GSTT4: variants seen among roughly 807,000 people sequenced by gnomAD.
GSTT4 encodes the protein glutathione S-transferase theta-4.
intron 2 of GSTT4, among the ~76,000 whole-genome samples, chr22:24,002,101 G>A (rs1450025693): frequency 1.3e-5 from 2 of 152,298 alleles, no homozygotes; most frequent in Non-Finnish European, 2.9e-5. Flanking sequence ...GGGGGTGATT[G>A]GGGAGTGATG....
chr22:24,002,877 C>T (rs2034264771), intron 2 of GSTT4, among the ~76,000 whole-genome samples: 1 of 149,540 alleles, frequency 6.7e-6, no homozygotes, highest in Non-Finnish European at 1.5e-5. Flanking sequence ...TCCAAACAAA[C>T]TGCCAAGAAA....
At chr22:24,003,372 G>A (rs1272069188) in intron 2 of GSTT4, among the ~76,000 whole-genome samples, 3 of 152,204 alleles carry the variant, frequency 2.0e-5, no homozygotes, top group African/African-American at 7.2e-5. Flanking sequence ...CACCATGCTG[G>A]CTAATTTTTG....
At chr22:23,995,349 AT>A (rs1488271616), downstream of GSTT4, among the ~76,000 whole-genome samples, 1 of 152,212 alleles carries the variant, frequency 6.6e-6, no homozygotes, top group Non-Finnish European at 1.5e-5. Context: ...TCCATGAACA[AT>A]TCAACAGAAA....
At chr22:23,996,323 CTTCT>C (rs1255810210), downstream of GSTT4, among the ~76,000 whole-genome samples, 2 of 152,068 alleles carry the variant, frequency 1.3e-5, no homozygotes, top group Non-Finnish European at 2.9e-5. Context: ...GATGGTTTTA[CTTCT>C]TTCTTTCTGA....
downstream of GSTT4, among the ~76,000 whole-genome samples, chr22:23,997,842 C>T (rs1170871661): frequency 2.0e-5 from 3 of 152,116 alleles, no homozygotes; most frequent in Admixed American, 6.6e-5. Flanking sequence ...CTGCTGCATC[C>T]TATAAATCTG....
downstream of GSTT4, among the ~76,000 whole-genome samples, chr22:23,995,002 G>T (rs1213185586): frequency 6.6e-6 from 1 of 152,186 alleles, no homozygotes; most frequent in Non-Finnish European, 1.5e-5. Context: ...TTCCCATCTA[G>T]CTCCAATGAG....
the GSTT4 span, among the ~76,000 whole-genome samples, chr22:23,990,493 G>A: frequency 1.2e-5 from 1 of 85,122 alleles, no homozygotes; most frequent in African/African-American, 3.7e-5. Flanking sequence ...ACGGGGACGT[G>A]CCTGTAGTCC....
the GSTT4 span, among the ~76,000 whole-genome samples, chr22:23,990,892 G>A: frequency 1.0e-3 from 71 of 69,674 alleles, no homozygotes; most frequent in Admixed American, 2.0e-3. Context: ...GACAACCAGT[G>A]GGGCATGGCG....
chr22:23,996,172 G>A (rs1457183951), downstream of GSTT4, among the ~76,000 whole-genome samples: 5 of 152,112 alleles, frequency 3.3e-5, no homozygotes, highest in African/African-American at 7.3e-5. Flanking sequence ...TCAAACTTCT[G>A]ACCTCATGAT....
At chr22:23,994,581 T>C (rs1482436257), downstream of GSTT4, among the ~76,000 whole-genome samples, 3 of 150,220 alleles carry the variant, frequency 2.0e-5, no homozygotes. Context: ...TCATCCATGT[T>C]GTAGCATATA....
intron 2 of GSTT4, 136 bp downstream of exon 2, chr22:24,003,624 G>A (rs977835282): frequency 1.5e-3 from 234 of 154,134 alleles, no homozygotes; most frequent in African/African-American, 5.2e-3. Flanking sequence ...GGGGTTCCTC[G>A]TGTCCCTCAT....
chr22:24,001,431 G>A (rs2034228503), intron 2 of GSTT4, 106 bp from the exon 3 acceptor site: 1 of 153,732 alleles, frequency 6.5e-6, no homozygotes, highest in African/African-American at 2.4e-5. Flanking sequence ...CCAGAGCAAA[G>A]AGGAGCCCAA....
At chr22:23,990,453 CAAA>C in the GSTT4 span, among the ~76,000 whole-genome samples, 7 of 29,972 alleles carry the variant, frequency 2.3e-4, 1 homozygote, top group South Asian at 3.3e-3. Context: ...CTACACACAC[CAAA>C]AAAAAAAAAA....
the GSTT4 span, among the ~76,000 whole-genome samples, chr22:23,992,615 G>A: frequency 6.6e-6 from 1 of 150,980 alleles, no homozygotes. Flanking sequence ...TTAAAAATAA[G>A]GGTCCCCACA....
At chr22:23,992,169 C>T in the GSTT4 span, among the ~76,000 whole-genome samples, 5 of 140,882 alleles carry the variant, frequency 3.5e-5, no homozygotes, top group African/African-American at 7.8e-5. Context: ...TGACTGCCTG[C>T]GGGGCTGCCA....
the GSTT4 span, among the ~76,000 whole-genome samples, chr22:23,989,598 C>T: frequency 1.3e-5 from 2 of 148,844 alleles, no homozygotes; most frequent in African/African-American, 4.9e-5. Context: ...CCTGTCAATA[C>T]CCCAGAGTCC....
intron 2 of GSTT4, among the ~76,000 whole-genome samples, chr22:24,002,341 G>A (rs1348405420): frequency 4.6e-5 from 7 of 152,272 alleles, no homozygotes; most frequent in Non-Finnish European, 8.8e-5. Context: ...GGGGACAGAG[G>A]GAAGGGGATG....
chr22:23,993,552 C>T (rs1365632522), downstream of GSTT4, among the ~76,000 whole-genome samples: 1 of 152,226 alleles, frequency 6.6e-6, no homozygotes, highest in Non-Finnish European at 1.5e-5. Flanking sequence ...GGGCTGGAGG[C>T]CCCTAGGGGC....
At chr22:23,991,170 G>T in the GSTT4 span, among the ~76,000 whole-genome samples, 1 of 64,744 alleles carries the variant, frequency 1.5e-5, no homozygotes. Flanking sequence ...AGAGTTAGAT[G>T]CTGTCTCCAA....
Sources: gnomAD v4.1 joint callset for allele counts (sites outside exome capture counted in the v4.1 genomes callset) on GRCh38, gnomAD v4.1.1 for gene constraint, MANE v1.5 for transcripts, NCBI Gene and HGNC (gene_info 2026-07-23, HGNC 2026-07-21) for gene names.